COL24A1: variants seen among roughly 807,000 people sequenced by gnomAD.
COL24A1 encodes collagen alpha-1(XXIV) chain.
A neutral mutation model predicts 253.9 loss-of-function variants in COL24A1; 224 were observed. The observed-to-expected ratio is 0.88, with a 90% CI of 0.79 to 0.99. The LOEUF (loss-of-function observed/expected upper bound fraction) is 0.99. Among genes scored for constraint, COL24A1 ranks in the 50% least tolerant of loss-of-function variants. The pLI, the probability that COL24A1 is intolerant of heterozygous loss-of-function variation, is 0.00. For synonymous variants in COL24A1, 685 were observed against 673.7 expected (o/e 1.02, Z -0.26); for missense variants, 2,131 against 2,068.5 (o/e 1.03, Z -0.59).
At chr1:85,968,382 A>T (rs1263748064) in intron 22 of COL24A1, among the ~76,000 whole-genome samples, 1 of 152,204 alleles carries the variant, frequency 6.6e-6, no homozygotes, top group African/African-American at 2.4e-5. Context: ...AGTGAAACAG[A>T]ACAACTCTCT....
In COL24A1 at chr1:85,970,372, C is replaced by T. The variant is rs1299297363; in HGVS notation, c.2419-101G>A. 1.2e-5 allele frequency: 13 copies of T among 1,106,064 alleles called. No individual in the cohort carries two copies. In the African/African-American group the frequency reaches 1.8e-4, roughly 15 times the overall value. 68.5% of individuals were successfully genotyped at this position (1,106,064 alleles called of 1,614,324 possible). A position where few individuals can be genotyped will look rare whatever the true frequency, so the allele number is the denominator to read the frequency against. ...TTTATTCTAAAATGTGAAGCTCATT[C>T]TGAGATGTGATGAAAATAATGCTGT... is the stretch of plus-strand genomic sequence containing the variant. On this transcript the variant is annotated intron_variant, in intron 21 of 59. Coordinates refer to ENST00000370571, the MANE Select transcript of COL24A1 (RefSeq NM_152890.7).
intron 24 of COL24A1, among the ~76,000 whole-genome samples, chr1:85,950,141 T>C (rs1484650966): frequency 1.3e-5 from 2 of 152,202 alleles, no homozygotes; most frequent in African/African-American, 2.4e-5. Flanking sequence ...ATTATAGCCA[T>C]AAAATATTGT....
At position 86,125,060 on chromosome 1, in the gene COL24A1, G is replaced by GTTGCA; in HGVS notation, c.1271_1275dup (p.Pro426CysfsTer5). On this transcript the variant is annotated frameshift_variant, in exon 3 of 60. Coordinates refer to ENST00000370571, the MANE Select transcript of COL24A1 (RefSeq NM_152890.7). LOFTEE classifies it high-confidence loss of function. ...CTATGCAAGCTTGTGTTTAAAATTG[G>GTTGCA]TTGCATTTCCATGAGTTCGTTAGTG... 2 of 1,612,924 alleles carry GTTGCA rather than the reference G, an allele frequency of 1.2e-6. No individual in the cohort carries two copies. Among genetic ancestry groups the GTTGCA allele is most frequent in the African/African-American group, 2.7e-5 (2 of 74,938 alleles).
chr1:86,016,811 C>G (rs1559018083), intron 19 of COL24A1, among the ~76,000 whole-genome samples: 2 of 152,132 alleles, frequency 1.3e-5, no homozygotes, highest in Admixed American at 1.3e-4. Flanking sequence ...ATGGATATAG[C>G]AATAATTGGA....
At chr1:85,772,824 A>G (rs549924782) in intron 53 of COL24A1, among the ~76,000 whole-genome samples, 68 of 152,184 alleles carry the variant, frequency 4.5e-4, no homozygotes, top group African/African-American at 1.6e-3. Flanking sequence ...TAGGTTGCCT[A>G]TTCACTCTGA....
intron 53 of COL24A1, among the ~76,000 whole-genome samples, chr1:85,765,926 T>C (rs1009287803): frequency 2.1e-4 from 32 of 152,220 alleles, no homozygotes; most frequent in African/African-American, 7.2e-4. Flanking sequence ...TCAGGTCTCA[T>C]AGAAAGTAGG....
At chr1:85,933,329 T>G (rs960903801) in intron 24 of COL24A1, among the ~76,000 whole-genome samples, 2 of 152,186 alleles carry the variant, frequency 1.3e-5, no homozygotes, top group African/African-American at 2.4e-5. Context: ...TAAATTACAT[T>G]AAAAACCTAC....
At chr1:85,733,830 T>C (rs1663764761) in intron 59 of COL24A1, among the ~76,000 whole-genome samples, 1 of 151,684 alleles carries the variant, frequency 6.6e-6, no homozygotes, top group Non-Finnish European at 1.5e-5. Context: ...ACCACCCGCC[T>C]CAGCCTCCCA....
rs2101445574 is a variant in COL24A1 at position 85,775,725 on chromosome 1, A to G, written c.4339-16T>C. ...CTCTGGGTCCCTAAAAGAAAAAAAA[A>G]AGATGTTAGTTCATTGTTATTGATA... On this transcript the variant is annotated splice_polypyrimidine_tract_variant and intron_variant, in intron 52 of 59. Coordinates refer to ENST00000370571, the MANE Select transcript of COL24A1 (RefSeq NM_152890.7). The G allele has an allele frequency of 1.3e-6, 2 of 1,599,022 alleles. No homozygotes were observed. The highest frequency in any genetic ancestry group is 1.7e-5 in the Admixed American group (1 of 57,524).
chr1:85,889,910 C>T (rs1362917969), intron 31 of COL24A1, among the ~76,000 whole-genome samples: 2 of 152,054 alleles, frequency 1.3e-5, no homozygotes, highest in Non-Finnish European at 2.9e-5. Context: ...CTCCCCATCA[C>T]CCCTTTTTTT....
intron 11 of COL24A1, 60 bp from the exon 12 acceptor site, chr1:86,046,929 T>A: frequency 1.1e-6 from 1 of 940,780 alleles, no homozygotes. Context: ...GTACTATAGA[T>A]CTTTTTCTCC....
chr1:86,110,939 G>A (rs1032948424), intron 5 of COL24A1, among the ~76,000 whole-genome samples: 1 of 152,194 alleles, frequency 6.6e-6, no homozygotes, highest in African/African-American at 2.4e-5. Context: ...GCCGGCAAGT[G>A]GAGTGGGACT....
intron 32 of COL24A1, 112 bp from the exon 33 acceptor site, chr1:85,877,287 A>T: frequency 3.7e-5 from 24 of 646,676 alleles, no homozygotes; most frequent in Non-Finnish European, 5.9e-5. Flanking sequence ...GATTATGTAA[A>T]TACATAATAC....
intron 24 of COL24A1, among the ~76,000 whole-genome samples, chr1:85,949,142 C>T (rs1208804107): frequency 1.3e-5 from 2 of 151,938 alleles, no homozygotes; most frequent in Admixed American, 6.6e-5. Context: ...TATTTTGTTT[C>T]CAAAATCATA....
chr1:86,151,558 C>T (rs773171434), intron 1 of COL24A1, among the ~76,000 whole-genome samples: 16 of 152,164 alleles, frequency 1.1e-4, no homozygotes, highest in Non-Finnish European at 2.1e-4. Context: ...CCAAACATAA[C>T]CAGACATGTG....
rs528901323 is a variant in COL24A1, at chr1:85,818,107, T to C, written c.3790-20A>G. On this transcript the variant is annotated intron_variant, in intron 45 of 59. Coordinates refer to ENST00000370571, the MANE Select transcript of COL24A1 (RefSeq NM_152890.7). ...ATTACCCTAAAGATGGAAAGCACAG[T>C]TGTCAATTGACTGTAATAATCTTAC... 4 of 1,602,098 alleles carry C rather than the reference T, an allele frequency of 2.5e-6. No homozygotes were observed. The South Asian group carries it at 3.3e-5, about 13-fold the overall frequency.
chr1:85,794,199 C>T (rs186084793), intron 47 of COL24A1, among the ~76,000 whole-genome samples: 1 of 152,204 alleles, frequency 6.6e-6, no homozygotes, highest in Non-Finnish European at 1.5e-5. Flanking sequence ...ATCATTAGAA[C>T]TGATTATCCT....
chr1:85,858,621 C>CTCCTTCCCTCCT (rs1678737665), intron 37 of COL24A1, among the ~76,000 whole-genome samples: 3 of 113,270 alleles, frequency 2.6e-5, no homozygotes, highest in African/African-American at 9.3e-5. Flanking sequence ...TATTTTCTCC[C>CTCCTTCCCTCCT]TCCTTCCTTC....
chr1:86,076,766 G>A (rs959452604), intron 7 of COL24A1, among the ~76,000 whole-genome samples: 1 of 152,186 alleles, frequency 6.6e-6, no homozygotes, highest in Non-Finnish European at 1.5e-5. Context: ...TTAATAAATG[G>A]TGTTGGGAAA....
Sources: gnomAD v4.1 joint callset for allele counts (sites outside exome capture counted in the v4.1 genomes callset) on GRCh38, gnomAD v4.1.1 for gene constraint, MANE v1.5 for transcripts, NCBI Gene and HGNC (gene_info 2026-07-23, HGNC 2026-07-21) for gene names.